STAT1: variants seen among roughly 807,000 people sequenced by gnomAD.
STAT1 encodes signal transducer and activator of transcription 1-alpha/beta.
Under a neutral mutation model 111.7 loss-of-function variants are expected in STAT1, and 24 were observed. The observed-to-expected ratio is 0.21, with a 90% confidence interval of 0.16 to 0.30. The LOEUF (loss-of-function observed/expected upper bound fraction) is 0.30, where lower values mean the gene tolerates loss of function less well. STAT1 is among the 10% of genes least tolerant of loss of function. The pLI is 1.00. For missense variants in STAT1, 351 were observed against 911.9 expected (o/e 0.38, Z 7.92); for synonymous variants, 332 against 326.5 (o/e 1.02, Z -0.18).
chr2:191,001,340 G>C (rs535820516), intron 5 of STAT1, among the ~76,000 whole-genome samples, 177 bp from the exon 6 acceptor site: 7 of 152,268 alleles, frequency 4.6e-5, no homozygotes, highest in African/African-American at 1.4e-4. Context: ...CTGGCAAACT[G>C]TTAACAAGGT....
chr2:191,009,626 A>C (rs1462402351), intron 3 of STAT1, among the ~76,000 whole-genome samples: 1 of 152,248 alleles, frequency 6.6e-6, no homozygotes, highest in African/African-American at 2.4e-5. Context: ...GCATTTAGGA[A>C]TATCTATCAT....
rs1692604061 is a variant in STAT1 at position 190,984,194 on chromosome 2, C to A, written c.1347+116G>T. ...TAAGATAGTATTAGCTGAAAAAGATCATTTTAAAACAATTAGGTAAATACC... is the reference window on the plus strand; with the variant it reads ...TAAGATAGTATTAGCTGAAAAAGATAATTTTAAAACAATTAGGTAAATACC... On this transcript the variant is annotated intron_variant, in intron 16 of 24. Coordinates refer to ENST00000361099, the MANE Select transcript of STAT1 (RefSeq NM_007315.4). This position sits in a 1 kb window ranked among gnomAD's most constrained non-coding sequence, Gnocchi z 5.2. The A allele has an allele frequency of 1.2e-6, 1 of 864,886 alleles. No individual in the cohort carries two copies. The highest frequency in any genetic ancestry group is 2.6e-5 in the East Asian group (1 of 38,232). The allele number at this position is 864,886 out of a possible 1,614,324, so 53.6% of individuals were successfully genotyped here. A position where few individuals can be genotyped will look rare whatever the true frequency, so the allele number is the denominator to read the frequency against.
Position 190,975,943 on chromosome 2 carries a change from A to C in STAT1, c.2060-56T>G, listed in dbSNP as rs2124997129. On this transcript the variant is annotated intron_variant, in intron 22 of 24. Transcript: ENST00000361099. The surrounding 1 kb of genome is among the most constrained non-coding windows in gnomAD (Gnocchi z 5.9). ...ATCAACCGAAATTCCATCAGAATAC[A>C]ACATCAACTTTTCGGGGGGATTAAA... The C allele has an allele frequency of 6.8e-7, 1 of 1,460,524 alleles. No homozygotes were observed. Among genetic ancestry groups the C allele is most frequent in the African/African-American group, 1.4e-5 (1 of 71,938 alleles). 90.5% of individuals were successfully genotyped at this position (1,460,524 alleles called of 1,614,324 possible).
chr2:190,978,730 TG>T lies in STAT1; in HGVS notation c.1873+125del. The T allele has an allele frequency of 1.6e-6, 2 of 1,253,738 alleles. No homozygotes were observed. Among genetic ancestry groups the T allele is most frequent in the South Asian group, 2.6e-5 (2 of 77,606 alleles). The allele number at this position is 1,253,738 out of a possible 1,614,324, so 77.7% of individuals were successfully genotyped here. On this transcript the variant is annotated intron_variant, in intron 21 of 24. Transcript: ENST00000361099. The surrounding 1 kb of genome is among the most constrained non-coding windows in gnomAD (Gnocchi z 6.1). ...TATTAAATCCTATCGGGGGCTCATT[TG>T]GGGTAAGTATAAGATCTGCAATTTC...
At chr2:191,009,726 C>T (rs1451710557) in intron 3 of STAT1, 150 bp downstream of exon 3, 5 of 1,169,116 alleles carry the variant, frequency 4.3e-6, no homozygotes, top group Non-Finnish European at 6.2e-6. Context: ...TTTGTTGAGT[C>T]ATTTTTTAAA....
In STAT1 at chr2:190,976,387, A is replaced by C. The variant is rs973983769; in HGVS notation, c.2059+453T>G. On this transcript the variant is annotated intron_variant, in intron 22 of 24. Coordinates refer to ENST00000361099, the MANE Select transcript of STAT1 (RefSeq NM_007315.4). The surrounding 1 kb of genome is among the most constrained non-coding windows in gnomAD (Gnocchi z 6.0). ...TGCAATTCATTGACAACTGAGAAGC[A>C]AGAGACCTGTGTTCTCAGATGAGGC... Among the ~76,000 whole-genome samples, 1 of 152,248 alleles carries C rather than the reference A, an allele frequency of 6.6e-6. No homozygotes were observed. Among genetic ancestry groups the C allele is most frequent in the African/African-American group, 2.4e-5 (1 of 41,466 alleles).
Position 190,979,013 on chromosome 2 carries a change from A to G in STAT1, c.1728-12T>C. 1.2e-6 allele frequency: 2 copies of G among 1,614,200 alleles called. No homozygotes were observed. The highest frequency in any genetic ancestry group is 1.7e-6 in the Non-Finnish European group (2 of 1,180,008). On this transcript the variant is annotated splice_polypyrimidine_tract_variant and intron_variant, in intron 20 of 24. Coordinates refer to ENST00000361099, the MANE Select transcript of STAT1 (RefSeq NM_007315.4). This position sits in a 1 kb window ranked among gnomAD's most constrained non-coding sequence, Gnocchi z 5.8. ...AGCCCATGATGCACCTGGATATCGA[A>G]GAGATGGACGGATGGGCTTTTAGTT...
rs906406994 is a variant in STAT1, at chr2:190,975,200, A to G, written c.2136-268T>C. On this transcript the variant is annotated intron_variant, in intron 23 of 24. Transcript: ENST00000361099. The surrounding 1 kb of genome is among the most constrained non-coding windows in gnomAD (Gnocchi z 5.9). ...GAATCTGTGCCGCTTCTGCCTGGGTAAGCCTAGGTGTGAGCATGTGCGGTG... is the reference window on the plus strand; with the variant it reads ...GAATCTGTGCCGCTTCTGCCTGGGTGAGCCTAGGTGTGAGCATGTGCGGTG... 1.2e-5 allele frequency: 6 copies of G among 482,104 alleles called. No individual in the cohort carries two copies. The highest frequency in any genetic ancestry group is 2.0e-5 in the African/African-American group (1 of 50,776). The allele number at this position is 482,104 out of a possible 1,614,324, so 29.9% of individuals were successfully genotyped here.
chr2:190,982,626 C>T lies in STAT1; in HGVS notation c.1447-108G>A. 2 of 1,227,408 alleles carry T rather than the reference C, an allele frequency of 1.6e-6. No homozygotes were observed. Among genetic ancestry groups the T allele is most frequent in the Non-Finnish European group, 2.4e-6 (2 of 835,462 alleles). 76.0% of individuals were successfully genotyped at this position (1,227,408 alleles called of 1,614,324 possible). On this transcript the variant is annotated intron_variant, in intron 17 of 24. Coordinates refer to ENST00000361099, the MANE Select transcript of STAT1 (RefSeq NM_007315.4). The surrounding 1 kb of genome is among the most constrained non-coding windows in gnomAD (Gnocchi z 7.3). ...AAGTTCAATTCTAGTTTATATGACA[C>T]ACAGGTGCTTTCACAGTAGGGGAAG...
chr2:190,992,792 TC>T, intron 10 of STAT1: 4 of 547,354 alleles, frequency 7.3e-6, no homozygotes, highest in Non-Finnish European at 5.7e-6. Flanking sequence ...TTGCATTCTT[TC>T]TTTTTTTTTT....
rs373903728 is a variant in STAT1 at position 190,980,638 on chromosome 2, C to T, written c.1614G>A (p.Pro538=). 35 of 1,614,032 alleles carry T rather than the reference C, an allele frequency of 2.2e-5. No individual in the cohort carries two copies. Among genetic ancestry groups the T allele is most frequent in the African/African-American group, 1.2e-4 (9 of 74,892 alleles). Residue 538 remains proline (P), a synonymous_variant, in exon 19 of 25, where the codon CCG becomes CCA. Transcript: ENST00000361099. This position sits in a 1 kb window ranked among gnomAD's most constrained non-coding sequence, Gnocchi z 6.1. ...TCCTCACCTTACAAAACCTCGTCCA[C>T]GGAATGAGACCATCGGGGCTGGCGT... ...GPNASPDGLI[P]WTRFCKENIN...
At chr2:191,001,498 C>G (rs190534355) in intron 5 of STAT1, among the ~76,000 whole-genome samples, 1 of 152,286 alleles carries the variant, frequency 6.6e-6, no homozygotes, top group East Asian at 1.9e-4. Flanking sequence ...TAACTCAGTC[C>G]TTATTTATCT....
rs774560165 is a variant in STAT1, at chr2:190,993,647, G to A, written c.944+1414C>T. 1.1e-5 allele frequency: 6 copies of A among 538,318 alleles called. No individual in the cohort carries two copies. Among genetic ancestry groups the A allele is most frequent in the Non-Finnish European group, 2.2e-5 (6 of 276,016 alleles). 33.3% of individuals were successfully genotyped at this position (538,318 alleles called of 1,614,324 possible). A position where few individuals can be genotyped will look rare whatever the true frequency, so the allele number is the denominator to read the frequency against. On this transcript the variant is annotated intron_variant, in intron 10 of 24. Coordinates refer to ENST00000361099, the MANE Select transcript of STAT1 (RefSeq NM_007315.4). This position sits in a 1 kb window ranked among gnomAD's most constrained non-coding sequence, Gnocchi z 4.1. ...CTGACTCTCTGCACCACGGGTAACT[G>A]AAGGAAAGGAATGAGATAGGCTGTT...
intron 10 of STAT1, among the ~76,000 whole-genome samples, chr2:190,992,144 G>C (rs1693405102): frequency 6.6e-6 from 1 of 152,142 alleles, no homozygotes. Context: ...AGAGTATGAA[G>C]AAGCTATTAA....
At position 190,989,771 on chromosome 2, in the gene STAT1, C is replaced by T; in HGVS notation, c.1038-97G>A. ...TATTAACGTTTAGATAAACTACTCC[C>T]CCTCCAGTTTTAGGGTATTACCAAC... On this transcript the variant is annotated intron_variant, in intron 11 of 24. Transcript: ENST00000361099. The surrounding 1 kb of genome is among the most constrained non-coding windows in gnomAD (Gnocchi z 5.0). 1 of 851,540 alleles carries T rather than the reference C, an allele frequency of 1.2e-6. No individual in the cohort carries two copies. The highest frequency in any genetic ancestry group is 1.9e-6 in the Non-Finnish European group (1 of 530,500). The allele number at this position is 851,540 out of a possible 1,614,324, so 52.7% of individuals were successfully genotyped here. A position where few individuals can be genotyped will look rare whatever the true frequency, so the allele number is the denominator to read the frequency against.
At chr2:191,010,470 T>C (rs1311593929) in intron 2 of STAT1, 2 of 421,628 alleles carry the variant, frequency 4.7e-6, no homozygotes, top group Non-Finnish European at 9.6e-6. Context: ...GTCAACCACA[T>C]AGTAGGTATC....
Position 191,008,781 on chromosome 2 carries a change from A to G in STAT1, c.273+182T>C, listed in dbSNP as rs113157230. 1.1e-4 allele frequency among the ~76,000 whole-genome samples: 16 copies of G among 152,346 alleles called. 1 individual carries two copies. Among genetic ancestry groups the G allele is most frequent in the African/African-American group, 3.6e-4 (15 of 41,594 alleles). On this transcript the variant is annotated intron_variant, in intron 4 of 24. Transcript: ENST00000361099. ...AAATTCCTTCTGTGTTTATAAAATAAATTGGTATCTTATTTTACTTATGCT... is the reference window on the plus strand; with the variant it reads ...AAATTCCTTCTGTGTTTATAAAATAGATTGGTATCTTATTTTACTTATGCT...
chr2:190,985,603 A>G lies in STAT1; in HGVS notation c.1263+16T>C, dbSNP rs1462546824. 11 of 1,614,018 alleles carry G rather than the reference A, an allele frequency of 6.8e-6. No homozygotes were observed. The highest frequency in any genetic ancestry group is 6.8e-6 in the Non-Finnish European group (8 of 1,180,016). The stretch of plus-strand genomic sequence containing the variant: ...TGCCTGATTTGGGCCCATTCACAAC[A>G]TAAAGGGACTCTCACCTCATTCGTT... On this transcript the variant is annotated intron_variant, in intron 15 of 24. Transcript: ENST00000361099.
In STAT1 at chr2:190,989,409, G is replaced by C. The variant is rs1205145590; in HGVS notation, c.1097+206C>G. 6.6e-6 allele frequency among the ~76,000 whole-genome samples: 1 copy of C among 152,196 alleles called. No homozygotes were observed. Among genetic ancestry groups the C allele is most frequent in the Non-Finnish European group, 1.5e-5 (1 of 68,028 alleles). Reference sequence around the variant, plus strand: ...GCTGGGGTCATTTGTGATGGCCCTGGTGGATCTGACTAGAAGTCTCTGCTC... The same window carrying C: ...GCTGGGGTCATTTGTGATGGCCCTGCTGGATCTGACTAGAAGTCTCTGCTC... On this transcript the variant is annotated intron_variant, in intron 12 of 24. Coordinates refer to ENST00000361099, the MANE Select transcript of STAT1 (RefSeq NM_007315.4). This position sits in a 1 kb window ranked among gnomAD's most constrained non-coding sequence, Gnocchi z 5.0.
Sources: allele counts gnomAD v4.1 joint callset (sites outside exome capture counted in the v4.1 genomes callset), GRCh38; gene constraint gnomAD v4.1.1; non-coding constraint Gnocchi (gnomAD v3.1); transcripts MANE v1.5; gene names NCBI Gene and HGNC (gene_info 2026-07-23, HGNC 2026-07-21).